ASB5: variants seen among roughly 807,000 people sequenced by gnomAD.
ASB5 encodes ankyrin repeat and SOCS box protein 5.
A neutral mutation model predicts 42.1 loss-of-function variants in ASB5; 45 were observed. That is an observed-to-expected ratio of 1.07 (90% CI 0.84 to 1.37). ASB5 has a LOEUF of 1.37. Among genes scored for constraint, ASB5 ranks in the 40% most tolerant of loss-of-function variants. The pLI, the probability that ASB5 is intolerant of heterozygous loss-of-function variation, is 0.00. For missense variants in ASB5, 402 were observed against 399.8 expected (o/e 1.01, Z -0.05); for synonymous variants, 147 against 150.6 (o/e 0.98, Z 0.18).
chr4:176,216,596 G>T (rs1001174465), intron 6 of ASB5, among the ~76,000 whole-genome samples: 4 of 152,098 alleles, frequency 2.6e-5, no homozygotes, highest in Admixed American at 6.6e-5. Flanking sequence ...TGATCCACCC[G>T]CCTTGGCCTC....
intron 5 of ASB5, among the ~76,000 whole-genome samples, chr4:176,219,187 T>G (rs1253228869): frequency 7.5e-5 from 9 of 120,676 alleles, no homozygotes; most frequent in Non-Finnish European, 1.3e-4. Context: ...TTGTATGACA[T>G]ATAAATATAT....
intron 1 of ASB5, chr4:176,241,366 T>A: frequency 1.0e-6 from 1 of 992,056 alleles, no homozygotes; most frequent in Non-Finnish European, 1.4e-6. Flanking sequence ...AGAAAAAAAA[T>A]GAATGTTTAC....
Position 176,219,162 on chromosome 4 carries a change from CAT to C in ASB5, c.670+1991_670+1992del, listed in dbSNP as rs1236638059. Among the ~76,000 whole-genome samples the C allele has an allele frequency of 3.5e-5, 4 of 115,264 alleles. 1 individual carries two copies. The highest frequency in any genetic ancestry group is 7.1e-5 in the African/African-American group (2 of 28,026). The allele number at this position is 115,264 out of a possible 152,430, so 75.6% of individuals were successfully genotyped here. On this transcript the variant is annotated intron_variant, in intron 5 of 6. Transcript: ENST00000296525. ...GATATATAAATATATATTTGTATGA[CAT>C]ATAAATATATATTTGTATGACATAT... is the stretch of plus-strand genomic sequence containing the variant.
upstream of ASB5, among the ~76,000 whole-genome samples, chr4:176,270,990 C>G (rs1291108563): frequency 6.6e-6 from 1 of 152,172 alleles, no homozygotes; most frequent in East Asian, 1.9e-4. Flanking sequence ...AAATAATTGT[C>G]TTCGCATGAG....
intron 1 of ASB5, chr4:176,241,729 ATTGAGCAG>A (rs1753816004): frequency 3.3e-6 from 4 of 1,194,544 alleles, no homozygotes; most frequent in Non-Finnish European, 4.3e-6. Flanking sequence ...TGGAAAAAAA[ATTGAGCAG>A]TTGTTATCCA....
intron 1 of ASB5, chr4:176,241,787 T>C (rs1291143232): frequency 4.4e-6 from 3 of 681,364 alleles, no homozygotes; most frequent in Non-Finnish European, 6.0e-6. Flanking sequence ...ATTTATTGTA[T>C]AAAGGTTGCT....
intron 2 of ASB5, among the ~76,000 whole-genome samples, chr4:176,274,370 C>A (rs115894571): frequency 0.023 from 3,554 of 152,130 alleles, 54 homozygotes; most frequent in Admixed American, 0.052. Context: ...GGAAAAAAAA[C>A]CCCTGATATA....
At chr4:176,249,211 C>T (rs1206675458) in intron 1 of ASB5, among the ~76,000 whole-genome samples, 1 of 152,224 alleles carries the variant, frequency 6.6e-6, no homozygotes, top group African/African-American at 2.4e-5. Flanking sequence ...AAGTAATCTG[C>T]CCGCCGCAGC....
intron 1 of ASB5, among the ~76,000 whole-genome samples, chr4:176,262,223 C>T (rs765193967): frequency 6.6e-6 from 1 of 152,154 alleles, no homozygotes; most frequent in Non-Finnish European, 1.5e-5. Context: ...ACAATATCAA[C>T]GTCCCCTATC....
At chr4:176,234,703 A>G (rs551628396) in intron 1 of ASB5, among the ~76,000 whole-genome samples, 1 of 152,304 alleles carries the variant, frequency 6.6e-6, no homozygotes, top group East Asian at 1.9e-4. Flanking sequence ...GAGCAGCCGT[A>G]TGGAGCTTTG....
chr4:176,272,264 T>C (rs912682033), upstream of ASB5, among the ~76,000 whole-genome samples: 1 of 152,182 alleles, frequency 6.6e-6, no homozygotes, highest in African/African-American at 2.4e-5. Flanking sequence ...TAAGAACTAT[T>C]AGGTTGGTGT....
At chr4:176,258,702 A>C (rs549457094) in intron 1 of ASB5, among the ~76,000 whole-genome samples, 1 of 152,302 alleles carries the variant, frequency 6.6e-6, no homozygotes, top group South Asian at 2.1e-4. Flanking sequence ...AAGTAATGGA[A>C]TATTCCTTAT....
upstream of ASB5, among the ~76,000 whole-genome samples, chr4:176,272,280 T>C (rs1242519195): frequency 6.6e-6 from 1 of 152,210 alleles, no homozygotes; most frequent in Non-Finnish European, 1.5e-5. Flanking sequence ...GGTGTAAAAG[T>C]AATTGCGGTT....
At chr4:176,266,079 G>T (rs938679590) in intron 1 of ASB5, among the ~76,000 whole-genome samples, 2 of 152,064 alleles carry the variant, frequency 1.3e-5, no homozygotes, top group Non-Finnish European at 2.9e-5. Flanking sequence ...TTGGTCTCAA[G>T]TCTGATAGGA....
At chr4:176,246,016 T>G (rs1227892012) in intron 1 of ASB5, among the ~76,000 whole-genome samples, 2 of 149,610 alleles carry the variant, frequency 1.3e-5, no homozygotes, top group East Asian at 3.9e-4. Context: ...CTGCACGTTG[T>G]GCACATGTAC....
intron 1 of ASB5, chr4:176,277,219 T>C (rs1440805024): frequency 6.6e-6 from 1 of 152,168 alleles, no homozygotes; most frequent in African/African-American, 2.4e-5. Context: ...TTTTTCAAAC[T>C]CCAGCTTACC....
In ASB5 at chr4:176,239,381, C is replaced by T. The variant is rs1753764221; in HGVS notation, c.197-14040G>A. Among the ~76,000 whole-genome samples, 6 of 152,096 alleles carry T rather than the reference C, an allele frequency of 3.9e-5. No individual in the cohort carries two copies. The South Asian group carries it at 1.2e-3, about 32-fold the overall frequency. ...TTTATGCTTTTGAATAATGCATATT[C>T]CTACAGAATGCATAATAATGCATAA... On this transcript the variant is annotated intron_variant, in intron 1 of 6. Coordinates refer to ENST00000296525, the MANE Select transcript of ASB5 (RefSeq NM_080874.4).
chr4:176,274,652 C>T (rs751894904), intron 2 of ASB5, among the ~76,000 whole-genome samples: 2 of 152,182 alleles, frequency 1.3e-5, no homozygotes, highest in African/African-American at 4.8e-5. Flanking sequence ...CTACAGTGTA[C>T]ATTTGTGCCC....
chr4:176,222,922 C>T (rs980436607), intron 2 of ASB5, among the ~76,000 whole-genome samples: 9 of 145,464 alleles, frequency 6.2e-5, no homozygotes, highest in African/African-American at 1.5e-4. Context: ...GGACTACAGG[C>T]GCCCACCACA....
Sources: gnomAD v4.1 joint callset for allele counts (sites outside exome capture counted in the v4.1 genomes callset) on GRCh38, gnomAD v4.1.1 for gene constraint, MANE v1.5 for transcripts, NCBI Gene and HGNC (gene_info 2026-07-23, HGNC 2026-07-21) for gene names.